Variants in HDAC4 observed in about 807,000 individuals in gnomAD.
The protein encoded by HDAC4 is histone deacetylase 4, also known as histone deacetylase A.
Under a neutral mutation model 135.1 loss-of-function variants are expected in HDAC4, and 16 were observed. The ratio of observed to expected loss-of-function variants is 0.12; its 90% confidence interval spans 0.08 to 0.18. The LOEUF (loss-of-function observed/expected upper bound fraction) is 0.18, where lower values mean the gene tolerates loss of function less well. HDAC4 is among the 10% of genes least tolerant of loss of function. The pLI, the probability that HDAC4 is intolerant of heterozygous loss-of-function variation, is 1.00. For synonymous variants in HDAC4, 685 were observed against 653.4 expected, an observed-to-expected ratio of 1.05 and a Z score of -0.74; for missense variants, 1,143 against 1,511.8, an observed-to-expected ratio of 0.76 and a Z score of 4.05.
chr2:239,168,766 G>GCCCTGCGT (rs2043271988), intron 5 of HDAC4, among the ~76,000 whole-genome samples: 1 of 152,234 alleles, frequency 6.6e-6, no homozygotes, highest in East Asian at 1.9e-4. Context: ...GGGGCCTGCG[G>GCCCTGCGT]CCCTGCGTCC....
At chr2:239,239,836 CAGCCATGTGGA>C (rs1310289052) in intron 2 of HDAC4, among the ~76,000 whole-genome samples, 4 of 152,228 alleles carry the variant, frequency 2.6e-5, no homozygotes, top group Non-Finnish European at 4.4e-5. Context: ...CGGAACAGGG[CAGCCATGTGGA>C]ACTATCAGAA....
chr2:239,316,245 A>G (rs1459964860), intron 2 of HDAC4, among the ~76,000 whole-genome samples: 9 of 152,240 alleles, frequency 5.9e-5, no homozygotes. Context: ...GAAAAATCTA[A>G]TAAAATGATA....
chr2:239,175,606 A>C (rs1325113406), intron 5 of HDAC4, among the ~76,000 whole-genome samples: 1 of 152,230 alleles, frequency 6.6e-6, no homozygotes, highest in Non-Finnish European at 1.5e-5. Flanking sequence ...GGCAAAATTC[A>C]GAGTGGAAGG....
chr2:239,049,766 G>A lies in HDAC4; in HGVS notation c.*3331C>T, dbSNP rs1290852474. ...AACCAGAGCCCTGGGACGCTGGGGA[G>A]GGGCGGCCAGTCCCAGCGGGCCACG... On this transcript the variant is annotated 3_prime_UTR_variant, in exon 27 of 27. Transcript: ENST00000543185. 6.6e-6 allele frequency: 1 copy of A among 152,268 alleles called. No individual in the cohort carries two copies. Among genetic ancestry groups the A allele is most frequent in the Non-Finnish European group, 1.5e-5 (1 of 68,034 alleles). 9.4% of individuals were successfully genotyped at this position (152,268 alleles called of 1,614,324 possible).
At chr2:239,353,627 G>C (rs1419139149) in intron 1 of HDAC4, among the ~76,000 whole-genome samples, 1 of 152,038 alleles carries the variant, frequency 6.6e-6, no homozygotes, top group East Asian at 1.9e-4. Context: ...GTCCTCTGGG[G>C]GATAATATCA....
At chr2:239,275,632 C>T (rs1391362610) in intron 2 of HDAC4, among the ~76,000 whole-genome samples, 2 of 152,084 alleles carry the variant, frequency 1.3e-5, no homozygotes, top group African/African-American at 4.8e-5. Context: ...TGTGTGTGTG[C>T]GGGTGGCACA....
intron 16 of HDAC4, among the ~76,000 whole-genome samples, chr2:239,097,371 C>G (rs1023811228): frequency 6.6e-6 from 1 of 152,258 alleles, no homozygotes; most frequent in African/African-American, 2.4e-5. Flanking sequence ...TTCCTGGGCG[C>G]TGTCCTGGGC....
Position 239,115,142 on chromosome 2 carries a change from T to C in HDAC4, c.1702A>G (p.Ile568Val), listed in dbSNP as rs2039017361. 6.2e-7 allele frequency: 1 copy of C among 1,611,712 alleles called. No homozygotes were observed. Among genetic ancestry groups the C allele is most frequent in the Non-Finnish European group, 8.5e-7 (1 of 1,179,942 alleles). Residue 568 changes from isoleucine to valine, a missense_variant, in exon 13 of 27, where the codon ATT (isoleucine) becomes GTT (valine). Around this residue, in one of 9 missense-constraint regions of HDAC4, gnomAD observed 196 missense variants for 210.7 expected, o/e 0.93. Transcript: ENST00000543185. The surrounding 1 kb of genome is among the most constrained non-coding windows in gnomAD (Gnocchi z 6.3). ...QAGVQVKQEP[I>V]ESDEEEAEPP... ...TCTGCCTCTTCCTCATCGCTCTCAA[T>C]GGGCTCCTGCTTCACCTGCACGCCG... is the stretch of plus-strand genomic sequence containing the variant.
intron 2 of HDAC4, among the ~76,000 whole-genome samples, chr2:239,347,389 T>C (rs942512232): frequency 1.6e-4 from 25 of 152,172 alleles, no homozygotes; most frequent in African/African-American, 6.0e-4. Flanking sequence ...ACCAAGTCAT[T>C]GTGGACAGAG....
At chr2:239,209,230 G>A (rs1384728581) in intron 3 of HDAC4, among the ~76,000 whole-genome samples, 1 of 152,194 alleles carries the variant, frequency 6.6e-6, no homozygotes, top group African/African-American at 2.4e-5. Context: ...AAGATAGCTC[G>A]TATTCAAGGA....
intron 2 of HDAC4, chr2:239,298,229 C>A (rs1470219429): frequency 7.8e-7 from 1 of 1,289,210 alleles, no homozygotes; most frequent in Non-Finnish European, 1.0e-6. Flanking sequence ...CCGGAAGCAG[C>A]CAGACCTAAG....
In HDAC4 at chr2:239,110,310, C is replaced by T. The variant is rs536300077; in HGVS notation, c.1978+1216G>A. 2.6e-5 allele frequency among the ~76,000 whole-genome samples: 4 copies of T among 152,308 alleles called. No individual in the cohort carries two copies. The South Asian group carries it at 6.2e-4, about 24-fold the overall frequency. On this transcript the variant is annotated intron_variant, in intron 14 of 26. Coordinates refer to ENST00000543185, the MANE Select transcript of HDAC4 (RefSeq NM_001378414.1). Reference sequence around the variant, plus strand: ...AAATTTGTTTAAAAAGTAATCAAGACAAACTAAGAAAGGACACCAACGAAG... The same window carrying T: ...AAATTTGTTTAAAAAGTAATCAAGATAAACTAAGAAAGGACACCAACGAAG...
rs911170325 is a variant in HDAC4, at chr2:239,313,291, G to A, written c.22+39387C>T. ...GCAACAAAAGTACTTAACAAAATGCGCTGATGTAAATGTCCCTGCAGCAGC... is the reference window on the plus strand; with the variant it reads ...GCAACAAAAGTACTTAACAAAATGCACTGATGTAAATGTCCCTGCAGCAGC... On this transcript the variant is annotated intron_variant, in intron 2 of 26. Transcript: ENST00000543185. The surrounding 1 kb of genome is among the most constrained non-coding windows in gnomAD (Gnocchi z 5.1). Among the ~76,000 whole-genome samples, 13 of 152,242 alleles carry A rather than the reference G, an allele frequency of 8.5e-5. No homozygotes were observed. The highest frequency in any genetic ancestry group is 2.4e-4 in the African/African-American group (10 of 41,556).
chr2:239,105,722 C>T (rs576117283), intron 15 of HDAC4, among the ~76,000 whole-genome samples: 2 of 152,298 alleles, frequency 1.3e-5, no homozygotes, highest in African/African-American at 2.4e-5. Flanking sequence ...GCTGTGGCCT[C>T]CAAGTGGTCC....
chr2:239,140,491 G>A (rs1051524978), intron 8 of HDAC4, among the ~76,000 whole-genome samples: 9 of 152,160 alleles, frequency 5.9e-5, no homozygotes, highest in African/African-American at 1.2e-4. Flanking sequence ...CACATCCACC[G>A]TGGGAGGCCG....
chr2:239,083,500 CT>C (rs2035558878), intron 20 of HDAC4, among the ~76,000 whole-genome samples: 2 of 152,324 alleles, frequency 1.3e-5, no homozygotes, highest in South Asian at 4.1e-4. Context: ...ACAGGGCCTG[CT>C]TTTTTCCCTT....
Position 239,157,309 on chromosome 2 carries a change from T to TCATCATCC in HDAC4, c.612-537_612-536insGGATGATG, listed in dbSNP as rs562590574. Reference sequence around the variant, plus strand: ...GGGGCTGTCTCTCAGAAGGCACCCATCGTCATCCGTGCCTTCACCAAACTC... The same window carrying TCATCATCC: ...GGGGCTGTCTCTCAGAAGGCACCCATCATCATCCCGTCATCCGTGCCTTCACCAAACTC... On this transcript the variant is annotated intron_variant, in intron 6 of 26. Transcript: ENST00000543185. 7.9e-5 allele frequency among the ~76,000 whole-genome samples: 12 copies of TCATCATCC among 152,332 alleles called. No individual in the cohort carries two copies. The East Asian group carries it at 2.1e-3, about 27-fold the overall frequency.
At chr2:239,065,293 G>C (rs1574880185) in intron 24 of HDAC4, among the ~76,000 whole-genome samples, 1 of 152,220 alleles carries the variant, frequency 6.6e-6, no homozygotes, top group East Asian at 1.9e-4. Flanking sequence ...CAGAGGGCCT[G>C]GGACCAGCAC....
chr2:239,343,580 T>C (rs1294155890), intron 2 of HDAC4, among the ~76,000 whole-genome samples: 4 of 152,256 alleles, frequency 2.6e-5, no homozygotes, highest in African/African-American at 7.2e-5. Context: ...AGGTCCTTTC[T>C]AGGGGACAGC....
Sources: allele counts gnomAD v4.1 joint callset (sites outside exome capture counted in the v4.1 genomes callset), GRCh38; gene constraint gnomAD v4.1.1; regional missense constraint gnomAD v4.1.1; non-coding constraint Gnocchi (gnomAD v3.1); transcripts MANE v1.5; gene names NCBI Gene and HGNC (gene_info 2026-07-23, HGNC 2026-07-21).